GALNTL6: variants seen among roughly 807,000 people sequenced by gnomAD.
GALNTL6 encodes the protein polypeptide N-acetylgalactosaminyltransferase like 6.
GALNTL6 carries 46 observed loss-of-function variants against 73.7 expected under a neutral mutation model. The ratio of observed to expected loss-of-function variants is 0.62; its 90% confidence interval spans 0.49 to 0.80. The LOEUF (loss-of-function observed/expected upper bound fraction) is 0.80, where lower values mean the gene tolerates loss of function less well. Among genes scored for constraint, GALNTL6 ranks in the 30% least tolerant of loss-of-function variants. The probability of loss-of-function intolerance (pLI) is 0.00; values close to 1 mark genes in which losing one functional copy is unlikely to be tolerated. For synonymous variants in GALNTL6, 259 were observed against 263.7 expected (o/e 0.98, Z 0.17); for missense variants, 604 against 755.0 (o/e 0.80, Z 2.34).
intron 9 of GALNTL6, among the ~76,000 whole-genome samples, chr4:172,941,280 G>C (rs1410782239): frequency 6.6e-6 from 1 of 152,152 alleles, no homozygotes; most frequent in African/African-American, 2.4e-5. Context: ...GTTAGCTTTT[G>C]TTTATGCCTA....
At chr4:173,000,393 A>G (rs368282675) in intron 10 of GALNTL6, among the ~76,000 whole-genome samples, 2 of 152,210 alleles carry the variant, frequency 1.3e-5, no homozygotes, top group South Asian at 2.1e-4. Context: ...ACAAAATGTT[A>G]CTGAAAGAAA....
At chr4:172,403,447 T>G (rs1579039946) in intron 5 of GALNTL6, among the ~76,000 whole-genome samples, 1 of 152,056 alleles carries the variant, frequency 6.6e-6, no homozygotes, top group South Asian at 2.1e-4. Context: ...TTCTAAATCT[T>G]TCATGAACTA....
intron 3 of GALNTL6, among the ~76,000 whole-genome samples, chr4:172,250,315 G>A (rs887515171): frequency 6.6e-6 from 1 of 152,118 alleles, no homozygotes; most frequent in Non-Finnish European, 1.5e-5. Context: ...TTTTCATTTT[G>A]TAGGCTCATA....
chr4:172,166,510 T>C (rs1734630327), intron 2 of GALNTL6, among the ~76,000 whole-genome samples: 1 of 152,188 alleles, frequency 6.6e-6, no homozygotes, highest in African/African-American at 2.4e-5. Flanking sequence ...AATATTCTCC[T>C]AGCAATTAAA....
chr4:171,958,172 A>G (rs1334145595), intron 2 of GALNTL6, among the ~76,000 whole-genome samples: 2 of 152,170 alleles, frequency 1.3e-5, no homozygotes, highest in Non-Finnish European at 2.9e-5. Context: ...TATTGGTAAT[A>G]ATTGAACTTC....
At chr4:172,265,358 A>G (rs1738415272) in intron 3 of GALNTL6, among the ~76,000 whole-genome samples, 2 of 152,116 alleles carry the variant, frequency 1.3e-5, no homozygotes, top group Admixed American at 6.6e-5. Context: ...GAGCCTTGTA[A>G]TAACAACTCC....
intron 2 of GALNTL6, among the ~76,000 whole-genome samples, chr4:171,848,320 A>G (rs1444865662): frequency 1.3e-5 from 2 of 152,200 alleles, no homozygotes; most frequent in Admixed American, 6.5e-5. Flanking sequence ...TTGTTGTTCC[A>G]TTTATAGGGC....
At chr4:172,502,846 G>T (rs1561114160) in intron 5 of GALNTL6, among the ~76,000 whole-genome samples, 1 of 152,178 alleles carries the variant, frequency 6.6e-6, no homozygotes, top group Non-Finnish European at 1.5e-5. Context: ...CAGGAGTTCT[G>T]TCACGGTCAA....
chr4:172,261,740 A>G (rs1372348010), intron 3 of GALNTL6, among the ~76,000 whole-genome samples: 2 of 151,376 alleles, frequency 1.3e-5, no homozygotes, highest in African/African-American at 2.4e-5. Context: ...AATTAATGCT[A>G]TGAACTTTCC....
intron 10 of GALNTL6, among the ~76,000 whole-genome samples, chr4:172,995,414 A>G (rs1751734216): frequency 6.6e-6 from 1 of 152,174 alleles, no homozygotes; most frequent in Non-Finnish European, 1.5e-5. Context: ...ACAGCACATA[A>G]GCCAACTTCT....
At chr4:172,304,815 TTATG>T (rs1207548024) in intron 3 of GALNTL6, among the ~76,000 whole-genome samples, 1 of 152,172 alleles carries the variant, frequency 6.6e-6, no homozygotes, top group Non-Finnish European at 1.5e-5. Context: ...CCATTTCTTC[TTATG>T]TAAAGTCTCC....
chr4:172,696,667 C>T (rs908745183), intron 5 of GALNTL6, among the ~76,000 whole-genome samples: 3 of 152,144 alleles, frequency 2.0e-5, no homozygotes, highest in African/African-American at 4.8e-5. Flanking sequence ...CCATGTAAGA[C>T]GTGCCTTTGC....
At chr4:172,551,000 A>T (rs1362621543) in intron 5 of GALNTL6, among the ~76,000 whole-genome samples, 1 of 152,172 alleles carries the variant, frequency 6.6e-6, no homozygotes, top group Non-Finnish European at 1.5e-5. Context: ...AGGGTTGAGA[A>T]CTTCTTATTG....
At chr4:172,647,606 T>G (rs1271669303) in intron 5 of GALNTL6, among the ~76,000 whole-genome samples, 2 of 152,112 alleles carry the variant, frequency 1.3e-5, no homozygotes, top group Non-Finnish European at 2.9e-5. Flanking sequence ...AACCACTGTC[T>G]GATCTGCCCA....
At chr4:172,844,606 CTCTTT>C (rs1163716971) in intron 7 of GALNTL6, among the ~76,000 whole-genome samples, 2 of 152,176 alleles carry the variant, frequency 1.3e-5, no homozygotes, top group Non-Finnish European at 2.9e-5. Flanking sequence ...ATGAGGAGGT[CTCTTT>C]TCTTTGGCAG....
At chr4:172,635,171 T>C (rs904560571) in intron 5 of GALNTL6, among the ~76,000 whole-genome samples, 1 of 152,184 alleles carries the variant, frequency 6.6e-6, no homozygotes, top group Non-Finnish European at 1.5e-5. Flanking sequence ...CCTAACCTAT[T>C]ATTTACCTGC....
At chr4:171,881,342 G>C (rs1235987753) in intron 2 of GALNTL6, among the ~76,000 whole-genome samples, 8 of 152,154 alleles carry the variant, frequency 5.3e-5, no homozygotes, top group Non-Finnish European at 1.2e-4. Context: ...GTATGGCTCT[G>C]TGTCTCCACC....
intron 11 of GALNTL6, among the ~76,000 whole-genome samples, chr4:173,017,411 A>G (rs1752826309): frequency 6.6e-6 from 1 of 152,244 alleles, no homozygotes; most frequent in Admixed American, 6.5e-5. Context: ...GACATTACCC[A>G]AAGCAAACAA....
intron 11 of GALNTL6, among the ~76,000 whole-genome samples, chr4:173,013,388 A>T (rs1318335101): frequency 2.0e-5 from 3 of 152,208 alleles, no homozygotes; most frequent in African/African-American, 7.2e-5. Flanking sequence ...GTGAATATAA[A>T]GCAGGCCTTA....
Sources: gnomAD v4.1 joint callset for allele counts (sites outside exome capture counted in the v4.1 genomes callset) on GRCh38, gnomAD v4.1.1 for gene constraint, MANE v1.5 for transcripts, NCBI Gene and HGNC (gene_info 2026-07-23, HGNC 2026-07-21) for gene names.